Variants in GPC3 observed in about 807,000 individuals in gnomAD.
GPC3 encodes the protein glypican 3.
A neutral mutation model predicts 34.4 loss-of-function variants in GPC3; 3 were observed. That is an observed-to-expected ratio of 0.09 (90% confidence interval 0.04 to 0.23). GPC3 has a LOEUF of 0.23. Ranked by LOEUF, GPC3 falls within the 10% of genes least tolerant of loss-of-function variation. GPC3 has a pLI of 1.00. For missense variants in GPC3, 351 were observed against 445.6 expected, an observed-to-expected ratio of 0.79 and a Z score of 1.91; for synonymous variants, 177 against 174.0, an observed-to-expected ratio of 1.02 and a Z score of -0.13.
intron 3 of GPC3, among the ~76,000 whole-genome samples, chrX:133,727,375 G>A (rs374070623): frequency 1.8e-5 from 2 of 110,401 alleles, no homozygotes; most frequent in African/African-American, 6.6e-5. Context: ...GTGAAACCCC[G>A]TCTCTACTAA....
chrX:133,807,405 GTCTTT>G (rs752207815), intron 2 of GPC3, among the ~76,000 whole-genome samples: 14 of 111,852 alleles, frequency 1.3e-4, no homozygotes, highest in Admixed American at 5.7e-4. Flanking sequence ...CCAAACAAAT[GTCTTT>G]TCTTTATAAA....
intron 2 of GPC3, among the ~76,000 whole-genome samples, chrX:133,811,613 A>T (rs1189726269): frequency 8.9e-6 from 1 of 111,759 alleles, no homozygotes; most frequent in African/African-American, 3.3e-5. Flanking sequence ...ATGGGCACTG[A>T]TGTTGCTGCC....
At chrX:133,855,546 T>TATATATATATATATAC (rs2075897031) in intron 2 of GPC3, among the ~76,000 whole-genome samples, 1 of 106,276 alleles carries the variant, frequency 9.4e-6, no homozygotes, top group African/African-American at 3.4e-5. Context: ...TATATATATA[T>TATATATATATATATAC]ATAGTAAAAT....
chrX:133,911,968 C>T (rs2076202455), intron 2 of GPC3, among the ~76,000 whole-genome samples: 1 of 111,954 alleles, frequency 8.9e-6, no homozygotes, highest in Admixed American at 9.5e-5. Context: ...GAAATGAAAG[C>T]TGACCCTCAC....
At chrX:133,809,570 C>T (rs954610406) in intron 2 of GPC3, among the ~76,000 whole-genome samples, 5 of 111,824 alleles carry the variant, frequency 4.5e-5, no homozygotes, top group East Asian at 2.8e-4. Flanking sequence ...AACAGTGTTA[C>T]TGTTGGCCAC....
chrX:133,797,744 C>T (rs1603249598), intron 2 of GPC3, among the ~76,000 whole-genome samples: 1 of 110,351 alleles, frequency 9.1e-6, no homozygotes, highest in Admixed American at 9.7e-5. Context: ...GCAGAAGAAT[C>T]GCTTGAACCC....
At chrX:133,853,986 G>T (rs184105900) in intron 2 of GPC3, among the ~76,000 whole-genome samples, 1 of 112,073 alleles carries the variant, frequency 8.9e-6, no homozygotes, top group African/African-American at 3.2e-5. Context: ...AGTCTTTGCA[G>T]CTTTCTTGCT....
chrX:133,756,455 G>A (rs1476172509), intron 2 of GPC3, among the ~76,000 whole-genome samples: 2 of 112,129 alleles, frequency 1.8e-5, no homozygotes, highest in African/African-American at 6.5e-5. Context: ...AGAATGAAGA[G>A]AAGGGAAAAG....
At chrX:133,579,602 G>A (rs2069716077) in intron 7 of GPC3, among the ~76,000 whole-genome samples, 2 of 112,086 alleles carry the variant, frequency 1.8e-5, no homozygotes, top group Admixed American at 9.4e-5. Context: ...GGAGTGCAGT[G>A]GCACAATCAT....
At chrX:133,610,226 G>A (rs1945705552) in intron 6 of GPC3, among the ~76,000 whole-genome samples, 1 of 111,438 alleles carries the variant, frequency 9.0e-6, no homozygotes, top group Non-Finnish European at 1.9e-5. Flanking sequence ...GCCCTCTTTG[G>A]TGGATAGGGT....
chrX:133,681,297 A>G (rs144428910), intron 5 of GPC3, among the ~76,000 whole-genome samples: 4,997 of 111,586 alleles, frequency 0.045, 290 homozygotes, highest in African/African-American at 0.15. Flanking sequence ...AGGTAATGGA[A>G]AAGGCATTCA....
intron 7 of GPC3, among the ~76,000 whole-genome samples, chrX:133,551,632 T>A (rs1300162637): frequency 8.9e-6 from 1 of 112,055 alleles, no homozygotes; most frequent in Admixed American, 9.5e-5. Flanking sequence ...TTTTGAATCT[T>A]AAAAATGATT....
intron 3 of GPC3, among the ~76,000 whole-genome samples, chrX:133,749,044 G>T (rs1240470010): frequency 9.0e-6 from 1 of 111,602 alleles, no homozygotes; most frequent in Non-Finnish European, 1.9e-5. Flanking sequence ...GATTGCTTGA[G>T]GCCAGGAGTT....
intron 2 of GPC3, among the ~76,000 whole-genome samples, chrX:133,780,378 T>C (rs183915537): frequency 1.2e-4 from 13 of 111,946 alleles, no homozygotes; most frequent in African/African-American, 4.2e-4. Context: ...AGGTATAATA[T>C]TTTCTTTTAT....
chrX:133,558,590 G>C (rs2069514086), intron 7 of GPC3, among the ~76,000 whole-genome samples: 1 of 111,134 alleles, frequency 9.0e-6, no homozygotes, highest in African/African-American at 3.3e-5. Context: ...GATGAAAACA[G>C]TTTGGTTTAA....
intron 5 of GPC3, among the ~76,000 whole-genome samples, chrX:133,692,012 G>A (rs993734821): frequency 4.9e-4 from 55 of 112,473 alleles, no homozygotes; most frequent in African/African-American, 1.6e-3. Flanking sequence ...GCAGTGATGC[G>A]ATCTCAGCTC....
At chrX:133,897,145 A>G (rs2076119480) in intron 2 of GPC3, among the ~76,000 whole-genome samples, 1 of 105,172 alleles carries the variant, frequency 9.5e-6, no homozygotes, top group East Asian at 3.2e-4. Context: ...GGACCTCATG[A>G]TCCGCCCACC....
At chrX:133,641,218 G>A (rs961657449) in intron 6 of GPC3, among the ~76,000 whole-genome samples, 1 of 111,160 alleles carries the variant, frequency 9.0e-6, no homozygotes, top group Non-Finnish European at 1.9e-5. Context: ...GCTCACGCCT[G>A]TAATCTCAGC....
chrX:133,732,983 G>T (rs2071476880), intron 3 of GPC3, among the ~76,000 whole-genome samples: 1 of 111,107 alleles, frequency 9.0e-6, no homozygotes, highest in South Asian at 3.9e-4. Flanking sequence ...TCCCACCTCA[G>T]CCTCGTAAAG....
Sources: allele counts gnomAD v4.1 joint callset (sites outside exome capture counted in the v4.1 genomes callset), GRCh38; gene constraint gnomAD v4.1.1; transcripts MANE v1.5; gene names NCBI Gene and HGNC (gene_info 2026-07-23, HGNC 2026-07-21).